Variants in ALK observed in about 807,000 individuals in gnomAD.
ALK encodes the protein ALK receptor tyrosine kinase.
In ALK, 74 loss-of-function variants were observed where a neutral mutation model predicts 163.1. The observed-to-expected ratio is 0.45, with a 90% CI of 0.38 to 0.55. The LOEUF (loss-of-function observed/expected upper bound fraction) is 0.55. Among genes scored for constraint, ALK ranks in the 20% least tolerant of loss-of-function variants. ALK has a pLI of 0.00. For missense variants in ALK, 2,063 were observed against 2,105.3 expected, an observed-to-expected ratio of 0.98 and a Z score of 0.39; for synonymous variants, 960 against 843.2, an observed-to-expected ratio of 1.14 and a Z score of -2.40.
intron 1 of ALK, among the ~76,000 whole-genome samples, chr2:29,869,198 GTTCAAGTGGT>G (rs1666515241): frequency 6.6e-6 from 1 of 152,164 alleles, no homozygotes; most frequent in African/African-American, 2.4e-5. Context: ...ATACCTCTAA[GTTCAAGTGGT>G]TTGCTATGCA....
At chr2:29,215,806 C>T (rs1669588734) in intron 23 of ALK, among the ~76,000 whole-genome samples, 1 of 152,248 alleles carries the variant, frequency 6.6e-6, no homozygotes, top group Admixed American at 6.5e-5. Flanking sequence ...ACCCGGGCTC[C>T]ACCCTGCTGG....
rs146453008 is a variant in ALK at position 29,508,082 on chromosome 2, T to G, written c.1154+23833A>C. Among the ~76,000 whole-genome samples, 738 of 152,258 alleles carry G rather than the reference T, an allele frequency of 4.8e-3. 5 individuals are homozygous for G. The highest frequency in any genetic ancestry group is 0.015 in the South Asian group (72 of 4,818). Reference sequence around the variant, plus strand: ...CCAAACTGAGGGTCTGATCTAGAACTTGGGGAGTGCACTGAGAAACTGCCA... The same window carrying G: ...CCAAACTGAGGGTCTGATCTAGAACGTGGGGAGTGCACTGAGAAACTGCCA... On this transcript the variant is annotated intron_variant, in intron 4 of 28. Transcript: ENST00000389048.
At chr2:29,416,561 C>T (rs529158410) in intron 4 of ALK, among the ~76,000 whole-genome samples, 28 of 152,178 alleles carry the variant, frequency 1.8e-4, no homozygotes, top group Middle Eastern at 3.4e-3. Context: ...TTAAGGAAAG[C>T]GAGAATTTTC....
At chr2:29,256,265 G>C (rs1032772373) in intron 11 of ALK, among the ~76,000 whole-genome samples, 1 of 152,158 alleles carries the variant, frequency 6.6e-6, no homozygotes, top group African/African-American at 2.4e-5. Context: ...AGGAGTTGGG[G>C]TGGGAGGCTG....
chr2:29,495,242 G>C (rs541937409), intron 4 of ALK, among the ~76,000 whole-genome samples: 28 of 152,274 alleles, frequency 1.8e-4, no homozygotes, highest in African/African-American at 6.7e-4. Context: ...AGGGGATGAA[G>C]TGCATCCTGC....
intron 12 of ALK, among the ~76,000 whole-genome samples, chr2:29,244,266 C>T (rs1418647890): frequency 2.0e-5 from 3 of 152,244 alleles, no homozygotes; most frequent in Non-Finnish European, 2.9e-5. Flanking sequence ...CCTTTTCTCC[C>T]GTTTCTCAGT....
At chr2:29,644,497 G>C (rs1573523567) in intron 3 of ALK, among the ~76,000 whole-genome samples, 1 of 149,476 alleles carries the variant, frequency 6.7e-6, no homozygotes, top group South Asian at 2.1e-4. Context: ...CAGAAACACA[G>C]AGAGATTACA....
chr2:29,346,555 C>T (rs1029425714), intron 5 of ALK, among the ~76,000 whole-genome samples: 1 of 152,228 alleles, frequency 6.6e-6, no homozygotes, highest in Non-Finnish European at 1.5e-5. Flanking sequence ...ACTGTAGACC[C>T]ATATTTCTGA....
At chr2:29,413,477 A>T (rs901281699) in intron 4 of ALK, among the ~76,000 whole-genome samples, 3 of 150,132 alleles carry the variant, frequency 2.0e-5, no homozygotes, top group African/African-American at 7.4e-5. Context: ...CTCCCAAGTA[A>T]CTGGGACTAC....
intron 1 of ALK, among the ~76,000 whole-genome samples, chr2:29,852,558 G>A (rs528623424): frequency 8.5e-5 from 13 of 152,316 alleles, no homozygotes; most frequent in African/African-American, 3.1e-4. Context: ...CCCAGCAGAG[G>A]ATTCCAACAG....
At chr2:29,499,492 G>A (rs187584426) in intron 4 of ALK, among the ~76,000 whole-genome samples, 1 of 152,148 alleles carries the variant, frequency 6.6e-6, no homozygotes, top group African/African-American at 2.4e-5. Flanking sequence ...CACTGCACCC[G>A]GCTCCTAGGG....
In ALK at chr2:29,228,980, G is replaced by A; in HGVS notation, c.2719C>T (p.Pro907Ser). The change falls in exon 16 of 29, where the codon CCC (proline) becomes TCC (serine). Residue 907 changes from proline (P) to serine (S), a missense_variant. Pro to Ser is a moderately conservative substitution (Grantham distance 74, BLOSUM62 -1). Around this residue, in one of 5 missense-constraint regions of ALK, gnomAD observed 575 missense variants for 626.6 expected, o/e 0.92. Coordinates refer to ENST00000389048, the MANE Select transcript of ALK (RefSeq NM_004304.5). ...CACCCCCACTTCTTCATGGCCTGGGGGCAGGAATGTCCTCCGGTGGCACCC... is the reference window on the plus strand; with the variant it reads ...CACCCCCACTTCTTCATGGCCTGGGAGCAGGAATGTCCTCCGGTGGCACCC... The part of the protein sequence containing the change: ...QEGATGGHSC[P>S]QAMKKWGWET... 2 of 1,610,992 alleles carry A rather than the reference G, an allele frequency of 1.2e-6. No individual in the cohort carries two copies. Among genetic ancestry groups the A allele is most frequent in the African/African-American group, 2.7e-5 (2 of 74,350 alleles).
intron 4 of ALK, among the ~76,000 whole-genome samples, chr2:29,439,807 G>A (rs1670491449): frequency 1.3e-5 from 2 of 152,166 alleles, no homozygotes; most frequent in South Asian, 4.2e-4. Flanking sequence ...ACCACCAGAA[G>A]CTAGGAAGTG....
chr2:29,274,952 C>T (rs1665493739), intron 11 of ALK, 147 bp downstream of exon 11: 1 of 1,077,132 alleles, frequency 9.3e-7, no homozygotes, highest in African/African-American at 1.6e-5. Context: ...TCCCCTTGGA[C>T]CCCATAGTCA....
chr2:29,703,318 C>T (rs147366002), intron 2 of ALK, among the ~76,000 whole-genome samples: 65 of 152,330 alleles, frequency 4.3e-4, no homozygotes, highest in East Asian at 1.5e-3. Flanking sequence ...ACCAATCAGT[C>T]GTACAATCTT....
intron 1 of ALK, among the ~76,000 whole-genome samples, chr2:29,809,627 C>T (rs957211728): frequency 6.6e-6 from 1 of 152,160 alleles, no homozygotes. Context: ...GGGTGCAGGA[C>T]ATTAGGAAGA....
At chr2:29,878,697 A>G (rs988381357) in intron 1 of ALK, among the ~76,000 whole-genome samples, 1 of 152,192 alleles carries the variant, frequency 6.6e-6, no homozygotes, top group Non-Finnish European at 1.5e-5. Flanking sequence ...CTGTCATCTC[A>G]TGAGATTATG....
chr2:29,858,681 T>C (rs1041373450), intron 1 of ALK, among the ~76,000 whole-genome samples: 3 of 151,818 alleles, frequency 2.0e-5, no homozygotes, highest in Non-Finnish European at 4.4e-5. Context: ...AGGTGGAGGA[T>C]GCAGTGAGCC....
Position 29,591,828 on chromosome 2 carries a change from G to A in ALK, c.953-59712C>T, listed in dbSNP as rs75287001. On this transcript the variant is annotated intron_variant, in intron 3 of 28. Transcript: ENST00000389048. ...GTGGCAGAAGCGCCCTCTAATTCTC[G>A]GTGTCGTCAGAGCTGAGACAGACCT... 9.7e-3 allele frequency among the ~76,000 whole-genome samples: 1,477 copies of A among 152,124 alleles called. 23 individuals carry two copies. The highest frequency in any genetic ancestry group is 8.7e-3 in the Non-Finnish European group (594 of 67,984).
Sources: gnomAD v4.1 joint callset for allele counts (sites outside exome capture counted in the v4.1 genomes callset) on GRCh38, gnomAD v4.1.1 for gene constraint, gnomAD v4.1.1 regional missense constraint, MANE v1.5 for transcripts, NCBI Gene and HGNC (gene_info 2026-07-23, HGNC 2026-07-21) for gene names.